LTBP1: variants seen among roughly 807,000 people sequenced by gnomAD.
LTBP1 encodes latent transforming growth factor beta binding protein 1.
Under a neutral mutation model 207.6 loss-of-function variants are expected in LTBP1, and 129 were observed. The ratio of observed to expected loss-of-function variants is 0.62; its 90% CI spans 0.54 to 0.72. The LOEUF is 0.72. LTBP1 is among the 30% of genes least tolerant of loss of function. The probability of loss-of-function intolerance (pLI) is 0.00; values close to 1 mark genes in which losing one functional copy is unlikely to be tolerated. For missense variants in LTBP1, 2,281 were observed against 2,217.2 expected (o/e 1.03, Z -0.58); for synonymous variants, 963 against 833.7 (o/e 1.16, Z -2.67).
At chr2:33,254,549 G>GTTT (rs531576154) in intron 11 of LTBP1, among the ~76,000 whole-genome samples, 1,655 of 95,484 alleles carry the variant, frequency 0.017, 61 homozygotes, top group African/African-American at 0.044. Flanking sequence ...TTTAAACTTG[G>GTTT]TTTTTTTTTT....
intron 3 of LTBP1, among the ~76,000 whole-genome samples, chr2:33,044,685 C>T (rs1390576187): frequency 6.6e-6 from 1 of 152,194 alleles, no homozygotes; most frequent in East Asian, 1.9e-4. Flanking sequence ...GAGGAATTGT[C>T]ACACTGTCTT....
At chr2:33,078,825 T>C (rs36154167) in intron 3 of LTBP1, among the ~76,000 whole-genome samples, 9,534 of 150,480 alleles carry the variant, frequency 0.063, 401 homozygotes, top group South Asian at 0.18. Context: ...AATTTTTCTT[T>C]TCTTCTCTTC....
At chr2:33,165,444 A>T (rs1266715991) in intron 5 of LTBP1, among the ~76,000 whole-genome samples, 2 of 152,256 alleles carry the variant, frequency 1.3e-5, no homozygotes, top group Non-Finnish European at 2.9e-5. Context: ...TTTAAAATTT[A>T]ATAGATTATA....
chr2:33,393,764 G>A (rs1233260029), intron 32 of LTBP1, among the ~76,000 whole-genome samples: 5 of 152,152 alleles, frequency 3.3e-5, no homozygotes, highest in Non-Finnish European at 7.3e-5. Flanking sequence ...ATGTGCATGT[G>A]TCTTTATAGC....
intron 5 of LTBP1, among the ~76,000 whole-genome samples, chr2:33,170,783 C>G (rs2085363022): frequency 1.3e-5 from 2 of 152,062 alleles, no homozygotes. Context: ...ACTGACACCT[C>G]ACACGGCCGG....
intron 19 of LTBP1, among the ~76,000 whole-genome samples, chr2:33,292,173 A>C (rs184172823): frequency 1.9e-3 from 293 of 152,284 alleles, no homozygotes; most frequent in Admixed American, 5.6e-3. Flanking sequence ...TTACATGTTT[A>C]TTTATTTTTG....
chr2:33,143,657 C>A (rs80203021), intron 5 of LTBP1, among the ~76,000 whole-genome samples: 5,132 of 152,286 alleles, frequency 0.034, 128 homozygotes, highest in Non-Finnish European at 0.051. Context: ...GATTTCCATA[C>A]CTTTAGTACA....
intron 24 of LTBP1, among the ~76,000 whole-genome samples, chr2:33,342,076 A>G (rs978250127): frequency 6.6e-6 from 1 of 152,338 alleles, no homozygotes; most frequent in South Asian, 2.1e-4. Flanking sequence ...GGAAATTAGT[A>G]ACCGTAAGAA....
At chr2:33,018,697 C>G (rs1298422064) in intron 2 of LTBP1, among the ~76,000 whole-genome samples, 1 of 152,296 alleles carries the variant, frequency 6.6e-6, no homozygotes, top group African/African-American at 2.4e-5. Flanking sequence ...AAACACAGAG[C>G]TTTTGAACTA....
intron 3 of LTBP1, among the ~76,000 whole-genome samples, chr2:33,068,731 A>T (rs963605714): frequency 1.3e-4 from 20 of 152,334 alleles, no homozygotes; most frequent in African/African-American, 4.8e-4. Context: ...CTACCAAAAG[A>T]ATATCATTCT....
intron 3 of LTBP1, among the ~76,000 whole-genome samples, chr2:33,091,158 G>C (rs764663225): frequency 1.7e-4 from 26 of 152,150 alleles, no homozygotes; most frequent in Non-Finnish European, 3.1e-4. Flanking sequence ...GTGTCTACGT[G>C]TGTGTATGTA....
rs541944502 is a variant in LTBP1, at chr2:33,017,663, C to T, written c.566-3246C>T. ...ATGGAGTCTTGCTCTGTCGCCCAGG[C>T]TGGAGTGCAGTGGCGCTATCTCGGC... is the stretch of plus-strand genomic sequence containing the variant. On this transcript the variant is annotated intron_variant, in intron 2 of 33. Transcript: ENST00000404816. Among the ~76,000 whole-genome samples, 8 of 152,336 alleles carry T rather than the reference C, an allele frequency of 5.3e-5. No individual in the cohort carries two copies. The South Asian group carries it at 1.7e-3, about 32-fold the overall frequency.
At chr2:33,077,179 C>T (rs2078128261) in intron 3 of LTBP1, among the ~76,000 whole-genome samples, 2 of 152,266 alleles carry the variant, frequency 1.3e-5, no homozygotes, top group South Asian at 4.2e-4. Context: ...CTGGGCAGTG[C>T]TATGCTAATC....
intron 3 of LTBP1, among the ~76,000 whole-genome samples, chr2:33,055,808 C>G (rs1447686457): frequency 6.6e-6 from 1 of 152,142 alleles, no homozygotes; most frequent in Admixed American, 6.5e-5. Flanking sequence ...CCAAATTCCC[C>G]TCCCCCTACA....
At chr2:33,129,053 G>T (rs2081605671) in intron 4 of LTBP1, among the ~76,000 whole-genome samples, 1 of 152,150 alleles carries the variant, frequency 6.6e-6, no homozygotes, top group African/African-American at 2.4e-5. Context: ...ACCTGGAACA[G>T]CCTGGAACAG....
chr2:32,966,056 T>C lies in LTBP1; in HGVS notation c.565+17111T>C, dbSNP rs576208347. Among the ~76,000 whole-genome samples, 29 of 152,336 alleles carry C rather than the reference T, an allele frequency of 1.9e-4. No homozygotes were observed. In the South Asian group the frequency reaches 5.8e-3, roughly 30 times the overall value. ...TAGTTATGTAGTGGTTTTAATCTTG[T>C]TGTAATTTGCAGTTCCCTAATAAAT... On this transcript the variant is annotated intron_variant, in intron 2 of 33. Transcript: ENST00000404816.
intron 25 of LTBP1, among the ~76,000 whole-genome samples, chr2:33,346,737 T>C (rs970694193): frequency 2.0e-5 from 3 of 151,792 alleles, no homozygotes; most frequent in Non-Finnish European, 4.4e-5. Context: ...GACTTCATTA[T>C]GTTGAAAAGT....
chr2:33,092,642 G>A (rs1256655544), intron 3 of LTBP1, among the ~76,000 whole-genome samples: 1 of 51,426 alleles, frequency 1.9e-5, no homozygotes, highest in Non-Finnish European at 6.9e-5. Context: ...TTTCATAGGT[G>A]GAATTTTTAG....
chr2:33,109,464 T>G (rs1324751376), intron 3 of LTBP1, among the ~76,000 whole-genome samples: 4 of 152,236 alleles, frequency 2.6e-5, no homozygotes, highest in Admixed American at 2.6e-4. Flanking sequence ...TGGTATATCT[T>G]CTTTATATTT....
Sources: allele counts gnomAD v4.1 joint callset (sites outside exome capture counted in the v4.1 genomes callset), GRCh38; gene constraint gnomAD v4.1.1; transcripts MANE v1.5; gene names NCBI Gene and HGNC (gene_info 2026-07-23, HGNC 2026-07-21).